Variants in DKK2 observed in about 807,000 individuals in gnomAD.
DKK2 encodes the protein dickkopf Wnt signaling pathway inhibitor 2.
A neutral mutation model predicts 28.1 loss-of-function variants in DKK2; 11 were observed. The ratio of observed to expected loss-of-function variants is 0.39; its 90% CI spans 0.25 to 0.65. The LOEUF (loss-of-function observed/expected upper bound fraction) is 0.65. Ranked by LOEUF, DKK2 falls within the 30% of genes least tolerant of loss-of-function variation. The pLI is 0.47. For synonymous variants in DKK2, 135 were observed against 126.5 expected (o/e 1.07, Z -0.45); for missense variants, 326 against 335.5 (o/e 0.97, Z 0.22).
intron 1 of DKK2, among the ~76,000 whole-genome samples, chr4:106,931,917 A>G (rs1008184176): frequency 6.6e-6 from 1 of 152,110 alleles, no homozygotes; most frequent in African/African-American, 2.4e-5. Context: ...CAAAATTCCA[A>G]ATTTTACTTA....
At chr4:107,035,156 T>A (rs1242811319) in intron 1 of DKK2, among the ~76,000 whole-genome samples, 1 of 152,058 alleles carries the variant, frequency 6.6e-6, no homozygotes, top group Admixed American at 6.5e-5. Flanking sequence ...CGAGACAGAA[T>A]CCTAACCCTT....
intron 1 of DKK2, among the ~76,000 whole-genome samples, chr4:107,032,962 G>C (rs765327028): frequency 6.6e-6 from 1 of 151,868 alleles, no homozygotes; most frequent in Non-Finnish European, 1.5e-5. Flanking sequence ...AAGAATGTTG[G>C]TGACCACATA....
At chr4:107,007,507 A>G (rs1377466627) in intron 1 of DKK2, among the ~76,000 whole-genome samples, 2 of 152,194 alleles carry the variant, frequency 1.3e-5, no homozygotes, top group Non-Finnish European at 2.9e-5. Context: ...AACACTACAA[A>G]ATAAGAAATG....
rs1372330017 is a variant in DKK2 at position 106,922,154 on chromosome 4, C to G, written c.*1800G>C. ...AGTTTATAATTTTTGTTTTTGCAGACCTGTGCAGAAAATGTAAGTCTTAAT... is the reference window on the plus strand; with the variant it reads ...AGTTTATAATTTTTGTTTTTGCAGAGCTGTGCAGAAAATGTAAGTCTTAAT... On this transcript the variant is annotated 3_prime_UTR_variant, in exon 4 of 4. Coordinates refer to ENST00000285311, the MANE Select transcript of DKK2 (RefSeq NM_014421.3). The G allele has an allele frequency of 6.6e-6, 1 of 152,378 alleles. No homozygotes were observed. The highest frequency in any genetic ancestry group is 1.9e-4 in the East Asian group (1 of 5,192). 9.4% of individuals were successfully genotyped at this position (152,378 alleles called of 1,614,324 possible). A position where few individuals can be genotyped will look rare whatever the true frequency, so the allele number is the denominator to read the frequency against.
At chr4:107,001,153 C>A (rs1054640135) in intron 1 of DKK2, among the ~76,000 whole-genome samples, 1 of 152,088 alleles carries the variant, frequency 6.6e-6, no homozygotes, top group African/African-American at 2.4e-5. Flanking sequence ...GGTGTTATAA[C>A]TTTACACTTT....
At chr4:106,949,401 G>C (rs1724826086) in intron 1 of DKK2, among the ~76,000 whole-genome samples, 1 of 152,068 alleles carries the variant, frequency 6.6e-6, no homozygotes, top group Admixed American at 6.6e-5. Flanking sequence ...CTTCTCTGTG[G>C]GTGGGTGGCT....
At chr4:106,927,667 A>G (rs559797336) in intron 1 of DKK2, among the ~76,000 whole-genome samples, 123 of 151,858 alleles carry the variant, frequency 8.1e-4, no homozygotes, top group African/African-American at 2.9e-3. Context: ...CAAGAATCCA[A>G]GACTGATGAA....
intron 1 of DKK2, among the ~76,000 whole-genome samples, chr4:107,011,329 G>A (rs192470274): frequency 7.3e-5 from 11 of 151,430 alleles, no homozygotes; most frequent in South Asian, 2.1e-4. Flanking sequence ...AGAATTCTGC[G>A]GACCTAGAAA....
At chr4:107,026,306 A>G (rs1723778252) in intron 1 of DKK2, among the ~76,000 whole-genome samples, 1 of 152,206 alleles carries the variant, frequency 6.6e-6, no homozygotes, top group African/African-American at 2.4e-5. Context: ...GTAAATGTTA[A>G]GAAGGTTTTT....
intron 1 of DKK2, among the ~76,000 whole-genome samples, chr4:106,932,551 C>T (rs922210362): frequency 5.3e-5 from 8 of 152,122 alleles, no homozygotes; most frequent in East Asian, 1.9e-4. Context: ...ATCTAAACTA[C>T]GAGGTTTACC....
chr4:106,964,988 G>A (rs566095183), intron 1 of DKK2, among the ~76,000 whole-genome samples: 5 of 150,172 alleles, frequency 3.3e-5, no homozygotes, highest in African/African-American at 1.2e-4. Context: ...TAGATAGATA[G>A]ATAGATAGAT....
At chr4:107,027,756 AT>A (rs71590176) in intron 1 of DKK2, among the ~76,000 whole-genome samples, 99 of 135,136 alleles carry the variant, frequency 7.3e-4, no homozygotes, top group Admixed American at 8.6e-4. Flanking sequence ...ACCTATTATG[AT>A]TTTTTTTTTT....
chr4:106,962,491 A>ATGTGTGTGTG (rs59831895), intron 1 of DKK2, among the ~76,000 whole-genome samples: 11 of 117,696 alleles, frequency 9.3e-5, no homozygotes, highest in East Asian at 3.0e-4. Context: ...CAGAAAAACT[A>ATGTGTGTGTG]TGTGTGTGTG....
At chr4:107,034,739 G>C (rs1723935846) in intron 1 of DKK2, among the ~76,000 whole-genome samples, 1 of 152,162 alleles carries the variant, frequency 6.6e-6, no homozygotes, top group South Asian at 2.1e-4. Context: ...TCTTTGAAGA[G>C]AGTAAGTGGT....
chr4:107,016,241 A>T (rs1266470835), intron 1 of DKK2, among the ~76,000 whole-genome samples: 1 of 151,940 alleles, frequency 6.6e-6, no homozygotes, highest in Non-Finnish European at 1.5e-5. Context: ...GTACCATAAC[A>T]TAGAAGAAAA....
chr4:106,926,328 A>AT (rs1724426507), intron 1 of DKK2, among the ~76,000 whole-genome samples: 2 of 152,118 alleles, frequency 1.3e-5, no homozygotes, highest in South Asian at 2.1e-4. Context: ...TAGCCACTCG[A>AT]TTTTTTCACC....
intron 1 of DKK2, among the ~76,000 whole-genome samples, chr4:107,030,519 C>T (rs1415066886): frequency 1.3e-5 from 2 of 151,828 alleles, no homozygotes; most frequent in Non-Finnish European, 2.9e-5. Context: ...TCACATAAAC[C>T]TTTTGAACAA....
chr4:107,026,703 T>C (rs2110376028), intron 1 of DKK2, among the ~76,000 whole-genome samples: 1 of 149,530 alleles, frequency 6.7e-6, no homozygotes, highest in African/African-American at 2.4e-5. Flanking sequence ...ATGTACAGGC[T>C]TTTTTGATAA....
chr4:106,983,010 G>T (rs1469999703), intron 1 of DKK2, among the ~76,000 whole-genome samples: 4 of 142,864 alleles, frequency 2.8e-5, no homozygotes, highest in African/African-American at 1.0e-4. Context: ...AAGAAAAAGA[G>T]AGAAAGGAAG....
Sources: allele counts gnomAD v4.1 joint callset (sites outside exome capture counted in the v4.1 genomes callset), GRCh38; gene constraint gnomAD v4.1.1; transcripts MANE v1.5; gene names NCBI Gene and HGNC (gene_info 2026-07-23, HGNC 2026-07-21).